Variants in TMEM268 observed in about 807,000 individuals in gnomAD.
The protein encoded by TMEM268 is transmembrane protein C9orf91.
Under a neutral mutation model 39.1 loss-of-function variants are expected in TMEM268, and 24 were observed. The observed-to-expected ratio is 0.61, with a 90% CI of 0.44 to 0.86. The LOEUF (loss-of-function observed/expected upper bound fraction) is 0.86, where lower values mean the gene tolerates loss of function less well. Ranked by LOEUF, TMEM268 falls within the 40% of genes least tolerant of loss-of-function variation. The pLI, the probability that TMEM268 is intolerant of heterozygous loss-of-function variation, is 0.00. For missense variants in TMEM268, 409 were observed against 428.6 expected (o/e 0.95, Z 0.40); for synonymous variants, 176 against 173.5 (o/e 1.01, Z -0.12).
intron 2 of TMEM268, among the ~76,000 whole-genome samples, chr9:114,618,823 T>C (rs1845834670): frequency 6.6e-6 from 1 of 152,202 alleles, no homozygotes; most frequent in African/African-American, 2.4e-5. Context: ...AATAATTATG[T>C]ATAAAGTGTT....
intron 2 of TMEM268, chr9:114,623,989 C>G (rs191193457): frequency 9.8e-6 from 2 of 203,604 alleles, no homozygotes; most frequent in Admixed American, 1.1e-4. Context: ...TGCATCACCC[C>G]CCTCAATGTA....
At chr9:114,619,979 T>TG (rs1845882182) in intron 2 of TMEM268, among the ~76,000 whole-genome samples, 1 of 151,960 alleles carries the variant, frequency 6.6e-6, no homozygotes, top group African/African-American at 2.4e-5. Flanking sequence ...GAGGCCTAGG[T>TG]GGGTGGATCG....
chr9:114,620,204 A>G (rs1032731314), intron 2 of TMEM268, among the ~76,000 whole-genome samples: 1 of 151,930 alleles, frequency 6.6e-6, no homozygotes, highest in African/African-American at 2.4e-5. Flanking sequence ...GACAAGAGCG[A>G]AACTCCATCT....
chr9:114,621,235 C>G (rs1343129687), intron 2 of TMEM268, among the ~76,000 whole-genome samples: 4 of 151,110 alleles, frequency 2.6e-5, no homozygotes, highest in Admixed American at 6.6e-5. Flanking sequence ...ATCCCAGTTA[C>G]TTGGGAGGCT....
chr9:114,644,889 T>A lies in TMEM268; in HGVS notation c.*1576T>A, dbSNP rs1827510769. 6.6e-6 allele frequency: 1 copy of A among 152,066 alleles called. No homozygotes were observed. Among genetic ancestry groups the A allele is most frequent in the Non-Finnish European group, 1.5e-5 (1 of 68,118 alleles). 9.4% of individuals were successfully genotyped at this position (152,066 alleles called of 1,614,324 possible). A position where few individuals can be genotyped will look rare whatever the true frequency, so the allele number is the denominator to read the frequency against. On this transcript the variant is annotated 3_prime_UTR_variant, in exon 9 of 9. Transcript: ENST00000288502. ...TTGGCTCACTGCAACCCCCGCCACC[T>A]AGGTTCAAGTGATTCTCATGCCTCA...
chr9:114,622,413 G>A (rs1845981075), intron 2 of TMEM268: 1 of 985,218 alleles, frequency 1.0e-6, no homozygotes, highest in Non-Finnish European at 1.2e-6. Flanking sequence ...CCTCCTGGCT[G>A]CTGACCAGTG....
At chr9:114,635,863 G>T (rs933972990) in intron 6 of TMEM268, among the ~76,000 whole-genome samples, 3 of 152,196 alleles carry the variant, frequency 2.0e-5, no homozygotes, top group African/African-American at 4.8e-5. Context: ...TGGCCATGAG[G>T]TGACCTAACA....
chr9:114,630,964 A>G (rs893669934), intron 5 of TMEM268, among the ~76,000 whole-genome samples: 1 of 152,150 alleles, frequency 6.6e-6, no homozygotes, highest in Admixed American at 6.5e-5. Context: ...GAGAGCATCA[A>G]TGTCTGGCAT....
At chr9:114,614,034 C>T (rs1362479175) in intron 1 of TMEM268, among the ~76,000 whole-genome samples, 1 of 152,140 alleles carries the variant, frequency 6.6e-6, no homozygotes. Flanking sequence ...CTTGCATTTC[C>T]TTCTGTTACA....
intron 2 of TMEM268, among the ~76,000 whole-genome samples, chr9:114,618,611 C>T (rs1429427180): frequency 1.3e-5 from 2 of 150,570 alleles, no homozygotes; most frequent in African/African-American, 4.9e-5. Context: ...TGCGGTGAGC[C>T]GAGATCACAC....
chr9:114,614,758 T>G (rs1845635884), intron 1 of TMEM268, among the ~76,000 whole-genome samples: 1 of 152,210 alleles, frequency 6.6e-6, no homozygotes, highest in Non-Finnish European at 1.5e-5. Context: ...AAGCCTGATT[T>G]TCCTTGGTGA....
intron 2 of TMEM268, among the ~76,000 whole-genome samples, chr9:114,620,435 C>T (rs770241320): frequency 2.0e-5 from 3 of 151,886 alleles, no homozygotes; most frequent in South Asian, 2.1e-4. Context: ...TTTGTAGAGA[C>T]GGGGTTTTTC....
At chr9:114,642,483 G>C (rs1411133048) in intron 8 of TMEM268, among the ~76,000 whole-genome samples, 1 of 151,852 alleles carries the variant, frequency 6.6e-6, no homozygotes, top group Non-Finnish European at 1.5e-5. Flanking sequence ...GCTATAATGG[G>C]AATATTCCTC....
chr9:114,608,533 C>T (rs12554436), upstream of TMEM268, among the ~76,000 whole-genome samples: 2,704 of 152,278 alleles, frequency 0.018, 84 homozygotes, highest in Admixed American at 0.069. Flanking sequence ...GGGACCACAT[C>T]TGGCTTCATG....
chr9:114,646,278 G>A lies in TMEM268; in HGVS notation c.*2965G>A, dbSNP rs1827564603. 1 of 152,166 alleles carries A rather than the reference G, an allele frequency of 6.6e-6. No individual in the cohort carries two copies. Among genetic ancestry groups the A allele is most frequent in the South Asian group, 2.1e-4 (1 of 4,830 alleles). The allele number at this position is 152,166 out of a possible 1,614,324, so 9.4% of individuals were successfully genotyped here. A position where few individuals can be genotyped will look rare whatever the true frequency, so the allele number is the denominator to read the frequency against. Reference sequence around the variant, plus strand: ...AAAACAATGTTCTTCCTCTCATTGAGTCTCATTCCTCATCTATAGGATGGG... The same window carrying A: ...AAAACAATGTTCTTCCTCTCATTGAATCTCATTCCTCATCTATAGGATGGG... On this transcript the variant is annotated 3_prime_UTR_variant, in exon 9 of 9. Transcript: ENST00000288502.
At chr9:114,607,975 A>G (rs1220692842), upstream of TMEM268, among the ~76,000 whole-genome samples, 1 of 151,936 alleles carries the variant, frequency 6.6e-6, no homozygotes, top group South Asian at 2.1e-4. Flanking sequence ...GAGAGTGAGT[A>G]AAGATTAGTC....
chr9:114,624,236 TTGTTGCGAG>T, intron 2 of TMEM268, 105 bp from the exon 3 acceptor site: 1 of 1,490,784 alleles, frequency 6.7e-7, no homozygotes, highest in Non-Finnish European at 9.0e-7. Context: ...GTGTCCCTCC[TTGTTGCGAG>T]GAGGTTCTCA....
rs999485050 is a variant in TMEM268, at chr9:114,624,228, G to A, written c.107-122G>A. ...AAGAGGATTTGAGGATGGCCACCGT[G>A]TCCCTCCTTGTTGCGAGGAGGTTCT... On this transcript the variant is annotated intron_variant, in intron 2 of 8. Transcript: ENST00000288502. The A allele has an allele frequency of 7.2e-5, 107 of 1,476,946 alleles. 1 individual carries two copies. The South Asian group carries it at 1.4e-3, about 19-fold the overall frequency. 91.5% of individuals were successfully genotyped at this position (1,476,946 alleles called of 1,614,324 possible). A position where few individuals can be genotyped will look rare whatever the true frequency, so the allele number is the denominator to read the frequency against.
At chr9:114,638,152 A>G (rs1846723775) in intron 7 of TMEM268, among the ~76,000 whole-genome samples, 1 of 151,982 alleles carries the variant, frequency 6.6e-6, no homozygotes, top group African/African-American at 2.4e-5. Flanking sequence ...AGCGATTCTC[A>G]TGCCTCAGCC....
Sources: allele counts gnomAD v4.1 joint callset (sites outside exome capture counted in the v4.1 genomes callset), GRCh38; gene constraint gnomAD v4.1.1; transcripts MANE v1.5; gene names NCBI Gene and HGNC (gene_info 2026-07-23, HGNC 2026-07-21).